The following VAC14 variants were observed in gnomAD, a reference collection of about 807,000 sequenced individuals.
The protein encoded by VAC14 is protein VAC14 homolog.
Under a neutral mutation model 85.3 loss-of-function variants are expected in VAC14, and 47 were observed. The ratio of observed to expected loss-of-function variants is 0.55; its 90% confidence interval spans 0.44 to 0.70. VAC14 has a LOEUF of 0.70. Ranked by LOEUF, VAC14 falls within the 30% of genes least tolerant of loss-of-function variation. VAC14 has a pLI of 0.00. For synonymous variants in VAC14, 447 were observed against 430.5 expected, an observed-to-expected ratio of 1.04 and a Z score of -0.47; for missense variants, 861 against 1,004.3, an observed-to-expected ratio of 0.86 and a Z score of 1.93.
chr16:70,713,324 G>A (rs1484922214), intron 14 of VAC14, among the ~76,000 whole-genome samples: 2 of 152,236 alleles, frequency 1.3e-5, no homozygotes, highest in East Asian at 1.9e-4. Context: ...TGACGGGCGC[G>A]CTGCAGCCAC....
intron 14 of VAC14, among the ~76,000 whole-genome samples, chr16:70,700,494 G>A (rs569169890): frequency 6.6e-6 from 1 of 152,222 alleles, no homozygotes; most frequent in Non-Finnish European, 1.5e-5. Flanking sequence ...TTAATTAGGG[G>A]CAATACCTAT....
At position 70,690,668 on chromosome 16, in the gene VAC14, C is replaced by T. The variant is rs546849994; in HGVS notation, c.2186+2153G>A. The T allele has an allele frequency of 8.2e-4, 813 of 985,654 alleles. 2 individuals carry two copies. Among genetic ancestry groups the T allele is most frequent in the Non-Finnish European group, 9.6e-4 (793 of 830,144 alleles). The allele number at this position is 985,654 out of a possible 1,614,324, so 61.1% of individuals were successfully genotyped here. ...CTGTTCCCAGCTCCAAGGCCTGCCC[C>T]GCAACTCGACCCTGTCTGCCAGCTG... On this transcript the variant is annotated intron_variant, in intron 18 of 18. Transcript: ENST00000261776.
At chr16:70,691,636 TC>T (rs1161080571) in intron 18 of VAC14, 14 of 985,344 alleles carry the variant, frequency 1.4e-5, no homozygotes, top group Non-Finnish European at 1.7e-5. Context: ...CAAGGCCTAG[TC>T]CTGCCACTGC....
At chr16:70,782,740 C>T (rs1172943982) in intron 7 of VAC14, among the ~76,000 whole-genome samples, 1 of 152,230 alleles carries the variant, frequency 6.6e-6, no homozygotes, top group Non-Finnish European at 1.5e-5. Context: ...CATTTCAAGT[C>T]TCAGGGCTAA....
rs1342077433 is a variant in VAC14, at chr16:70,786,303, A to G, written c.167T>C (p.Leu56Pro). The G allele has an allele frequency of 6.2e-7, 1 of 1,614,226 alleles. No individual in the cohort carries two copies. The highest frequency in any genetic ancestry group is 8.5e-7 in the Non-Finnish European group (1 of 1,180,034). The change falls in exon 2 of 19, where the codon CTG becomes CCG. Residue 56 changes from leucine to proline, a missense_variant. By Grantham distance (98) the Leu-to-Pro change is moderately conservative. Transcript: ENST00000261776. Reference protein sequence around the residue: ...TVQIKHVIQTLSQEFALSQHP... With the variant: ...TVQIKHVIQTPSQEFALSQHP... ...CTGAGACAGGGCAAACTCCTGGGAC[A>G]GGGTCTGGATCACATGCTTGATTTG... is the stretch of plus-strand genomic sequence containing the variant.
At chr16:70,734,795 CAAA>C (rs11354461) in intron 13 of VAC14, among the ~76,000 whole-genome samples, 5 of 140,178 alleles carry the variant, frequency 3.6e-5, no homozygotes, top group African/African-American at 1.3e-4. Context: ...AACAAAGAAA[CAAA>C]AAAAAAAAAC....
At position 70,762,445 on chromosome 16, in the gene VAC14, G is replaced by A; in HGVS notation, c.1371+95C>T. ...TTAAACACAGCTTTACCTCTAGGAAGGATGCACTGTACCAAAATAAGCATA... is the reference window on the plus strand; with the variant it reads ...TTAAACACAGCTTTACCTCTAGGAAAGATGCACTGTACCAAAATAAGCATA... On this transcript the variant is annotated intron_variant, in intron 12 of 18. Coordinates refer to ENST00000261776, the MANE Select transcript of VAC14 (RefSeq NM_018052.5). This position sits in a 1 kb window ranked among gnomAD's most constrained non-coding sequence, Gnocchi z 4.1. 1 of 1,239,740 alleles carries A rather than the reference G, an allele frequency of 8.1e-7. No homozygotes were observed. The highest frequency in any genetic ancestry group is 1.2e-6 in the Non-Finnish European group (1 of 857,072). 76.8% of individuals were successfully genotyped at this position (1,239,740 alleles called of 1,614,324 possible). A position where few individuals can be genotyped will look rare whatever the true frequency, so the allele number is the denominator to read the frequency against.
intron 12 of VAC14, among the ~76,000 whole-genome samples, chr16:70,757,555 T>C (rs1400241095): frequency 6.6e-6 from 1 of 152,224 alleles, no homozygotes; most frequent in African/African-American, 2.4e-5. Context: ...TGCCTTTCTA[T>C]GACCTCAAAA....
chr16:70,794,292 C>T (rs2034452848), intron 1 of VAC14, among the ~76,000 whole-genome samples: 1 of 152,222 alleles, frequency 6.6e-6, no homozygotes, highest in South Asian at 2.1e-4. Flanking sequence ...AGTCACTCCC[C>T]ATTCCCCCGC....
At chr16:70,756,299 G>A (rs1208097178) in intron 12 of VAC14, among the ~76,000 whole-genome samples, 15 of 152,146 alleles carry the variant, frequency 9.9e-5, no homozygotes, top group African/African-American at 2.4e-5. Context: ...GTTCCTCTGG[G>A]CTCCTAGGCA....
intron 13 of VAC14, among the ~76,000 whole-genome samples, chr16:70,740,243 G>A (rs1013687387): frequency 3.3e-5 from 5 of 152,222 alleles, no homozygotes; most frequent in African/African-American, 7.2e-5. Flanking sequence ...CTATAGGAGT[G>A]AGCCAACGTG....
At chr16:70,800,344 G>A (rs1326313186) in intron 1 of VAC14, among the ~76,000 whole-genome samples, 1 of 152,194 alleles carries the variant, frequency 6.6e-6, no homozygotes, top group East Asian at 1.9e-4. Flanking sequence ...TTTCCGACCT[G>A]ATTTCTCTAC....
intron 14 of VAC14, among the ~76,000 whole-genome samples, chr16:70,720,014 G>A (rs924367668): frequency 2.6e-5 from 4 of 152,170 alleles, no homozygotes; most frequent in African/African-American, 9.7e-5. Context: ...ATGGAAATGT[G>A]AACTACTGTG....
At chr16:70,699,714 T>C (rs1444643086) in intron 14 of VAC14, 3 of 152,220 alleles carry the variant, frequency 2.0e-5, no homozygotes, top group Non-Finnish European at 4.4e-5. Context: ...AGGCCTGGCC[T>C]GCAGGGGAAG....
intron 18 of VAC14, chr16:70,691,263 C>CGAG: frequency 1.0e-6 from 1 of 985,450 alleles, no homozygotes; most frequent in South Asian, 4.7e-5. Context: ...GGCTGGCTCC[C>CGAG]TGGCCAGGAG....
At chr16:70,755,255 T>C in intron 12 of VAC14, 1 of 331,318 alleles carries the variant, frequency 3.0e-6, no homozygotes. Context: ...ACCAGGTCAG[T>C]GAGCAGCCAG....
intron 10 of VAC14, among the ~76,000 whole-genome samples, chr16:70,767,781 A>G (rs932030607): frequency 7.9e-5 from 12 of 152,226 alleles, no homozygotes; most frequent in African/African-American, 1.4e-4. Flanking sequence ...GATGGGGATA[A>G]TAACAAGGTT....
chr16:70,749,080 G>A (rs979029855), intron 12 of VAC14, among the ~76,000 whole-genome samples: 2 of 152,258 alleles, frequency 1.3e-5, no homozygotes, highest in Non-Finnish European at 2.9e-5. Flanking sequence ...AGGCTGTTGT[G>A]AAGATTACAA....
At chr16:70,703,142 T>A (rs2053860671) in intron 14 of VAC14, among the ~76,000 whole-genome samples, 1 of 152,218 alleles carries the variant, frequency 6.6e-6, no homozygotes, top group African/African-American at 2.4e-5. Context: ...GGCTGCTGCA[T>A]CATCACTTCT....
Sources: allele counts gnomAD v4.1 joint callset (sites outside exome capture counted in the v4.1 genomes callset), GRCh38; gene constraint gnomAD v4.1.1; non-coding constraint Gnocchi (gnomAD v3.1); transcripts MANE v1.5; gene names NCBI Gene and HGNC (gene_info 2026-07-23, HGNC 2026-07-21).